Variants in SGCZ observed in about 807,000 individuals in gnomAD.
The protein encoded by SGCZ is sarcoglycan zeta, also known as zeta-sarcoglycan.
Under a neutral mutation model 41.3 loss-of-function variants are expected in SGCZ, and 40 were observed. The ratio of observed to expected loss-of-function variants is 0.97; its 90% CI spans 0.75 to 1.26. The LOEUF (loss-of-function observed/expected upper bound fraction) is 1.26, where lower values mean the gene tolerates loss of function less well. SGCZ is among the 50% of genes most tolerant of loss of function. The pLI, the probability that SGCZ is intolerant of heterozygous loss-of-function variation, is 0.00. For synonymous variants in SGCZ, 206 were observed against 137.5 expected, an observed-to-expected ratio of 1.50 and a Z score of -3.49; for missense variants, 552 against 369.8, an observed-to-expected ratio of 1.49 and a Z score of -4.04.
rs951828822 is a variant in SGCZ, at chr8:14,659,255, A to G, written c.40-104329T>C. On this transcript the variant is annotated intron_variant, in intron 1 of 7. Transcript: ENST00000382080. ...GAAGATTTTGAGTGTCATCACCGCC[A>G]GAGATGATAAATGCTTAAAGTGCTG... Among the ~76,000 whole-genome samples, 3 of 152,138 alleles carry G rather than the reference A, an allele frequency of 2.0e-5. 1 individual carries two copies. Among genetic ancestry groups the G allele is most frequent in the Non-Finnish European group, 4.4e-5 (3 of 68,020 alleles).
At chr8:14,324,431 C>T (rs1377561384) in intron 2 of SGCZ, among the ~76,000 whole-genome samples, 2 of 152,078 alleles carry the variant, frequency 1.3e-5, no homozygotes, top group African/African-American at 4.8e-5. Context: ...GTGTCTTCTT[C>T]GAGCTCTACC....
intron 1 of SGCZ, among the ~76,000 whole-genome samples, chr8:14,737,259 C>G (rs1799066314): frequency 1.3e-5 from 2 of 150,856 alleles, no homozygotes; most frequent in Admixed American, 6.6e-5. Flanking sequence ...TATTGTTGAT[C>G]AATAGGATTA....
chr8:14,597,291 A>T (rs1243651962), intron 1 of SGCZ, among the ~76,000 whole-genome samples: 2 of 152,196 alleles, frequency 1.3e-5, no homozygotes, highest in Non-Finnish European at 2.9e-5. Context: ...GTGAAGTCCT[A>T]TATGGAGGGC....
intron 3 of SGCZ, among the ~76,000 whole-genome samples, chr8:14,286,127 T>C (rs1400150958): frequency 1.3e-5 from 2 of 152,214 alleles, no homozygotes; most frequent in African/African-American, 2.4e-5. Flanking sequence ...TATTAAAGCT[T>C]ATGCACAAGT....
At chr8:15,161,444 A>G (rs185690306) in intron 1 of SGCZ, among the ~76,000 whole-genome samples, 5 of 151,910 alleles carry the variant, frequency 3.3e-5, no homozygotes, top group African/African-American at 9.7e-5. Flanking sequence ...GACATCCTCA[A>G]TTTTTCACCA....
Position 14,643,698 on chromosome 8 carries a change from G to C in SGCZ, c.40-88772C>G, listed in dbSNP as rs1807108313. 2.0e-5 allele frequency among the ~76,000 whole-genome samples: 3 copies of C among 151,822 alleles called. No homozygotes were observed. The South Asian group carries it at 6.2e-4, about 31-fold the overall frequency. ...GATGATAGAAGCATTCCAAGGCACT[G>C]AAAAATCAAAGCTTGGAAATATCTG... On this transcript the variant is annotated intron_variant, in intron 1 of 7. Transcript: ENST00000382080.
intron 1 of SGCZ, among the ~76,000 whole-genome samples, chr8:14,959,443 G>A (rs534685161): frequency 6.6e-6 from 1 of 151,946 alleles, no homozygotes; most frequent in Admixed American, 6.6e-5. Context: ...CAAATTAATG[G>A]GTAAATACAA....
At chr8:14,702,850 TAGATA>T (rs1218251848) in intron 1 of SGCZ, among the ~76,000 whole-genome samples, 3 of 138,984 alleles carry the variant, frequency 2.2e-5, no homozygotes, top group African/African-American at 7.9e-5. Flanking sequence ...GATAGATAGA[TAGATA>T]GATAGATAGA....
At chr8:14,405,557 A>C (rs1021349764) in intron 2 of SGCZ, among the ~76,000 whole-genome samples, 5 of 152,132 alleles carry the variant, frequency 3.3e-5, no homozygotes, top group African/African-American at 1.2e-4. Flanking sequence ...GCCTTATGCC[A>C]AGAATTATGC....
chr8:14,188,647 A>G (rs1804983875), intron 4 of SGCZ, among the ~76,000 whole-genome samples: 1 of 152,162 alleles, frequency 6.6e-6, no homozygotes, highest in South Asian at 2.1e-4. Context: ...TTAATATATT[A>G]AAAACCACTG....
intron 4 of SGCZ, among the ~76,000 whole-genome samples, chr8:14,221,636 G>C (rs1468963649): frequency 6.6e-6 from 1 of 152,110 alleles, no homozygotes; most frequent in Non-Finnish European, 1.5e-5. Flanking sequence ...TCATAGTTTA[G>C]ATTCAAATAA....
intron 2 of SGCZ, among the ~76,000 whole-genome samples, chr8:14,456,525 C>T (rs1168405754): frequency 1.3e-5 from 2 of 152,048 alleles, no homozygotes; most frequent in African/African-American, 4.8e-5. Context: ...CTTAGGAAAA[C>T]ATGCATGTAT....
intron 4 of SGCZ, among the ~76,000 whole-genome samples, chr8:14,226,763 G>A (rs1806386955): frequency 6.6e-6 from 1 of 152,186 alleles, no homozygotes; most frequent in African/African-American, 2.4e-5. Context: ...TGTTTAACTT[G>A]ATAGGAACAG....
chr8:14,774,009 G>A (rs886737959), intron 1 of SGCZ, among the ~76,000 whole-genome samples: 3 of 152,184 alleles, frequency 2.0e-5, no homozygotes, highest in African/African-American at 4.8e-5. Context: ...GTGACAACTT[G>A]GTTGGACCAC....
chr8:14,245,616 G>A (rs899776023), intron 3 of SGCZ, among the ~76,000 whole-genome samples: 1 of 151,996 alleles, frequency 6.6e-6, no homozygotes, highest in Non-Finnish European at 1.5e-5. Flanking sequence ...AAACTAAAGA[G>A]CTTCTGCACA....
chr8:14,923,033 A>G (rs1376202648), intron 1 of SGCZ, among the ~76,000 whole-genome samples: 1 of 152,178 alleles, frequency 6.6e-6, no homozygotes, highest in African/African-American at 2.4e-5. Context: ...TTTTGCACAC[A>G]TATTTGAATT....
chr8:14,912,245 C>G (rs1192896024), intron 1 of SGCZ, among the ~76,000 whole-genome samples: 5 of 151,998 alleles, frequency 3.3e-5, no homozygotes, highest in East Asian at 1.9e-4. Context: ...CCACCTTGCT[C>G]TGGCTTGACT....
intron 1 of SGCZ, among the ~76,000 whole-genome samples, chr8:14,699,941 A>G (rs1253078907): frequency 1.3e-5 from 2 of 152,056 alleles, no homozygotes; most frequent in African/African-American, 4.8e-5. Flanking sequence ...TATTATTAAA[A>G]AGCCAAAACA....
At chr8:15,172,154 GTTTTTTTTTTTTT>G (rs1183210302) in intron 1 of SGCZ, among the ~76,000 whole-genome samples, 1 of 71,774 alleles carries the variant, frequency 1.4e-5, no homozygotes, top group Non-Finnish European at 2.7e-5. Flanking sequence ...TTTATACTCT[GTTTTTTTTTTTTT>G]TTTTTTTTTT....
Sources: allele counts gnomAD v4.1 joint callset (sites outside exome capture counted in the v4.1 genomes callset), GRCh38; gene constraint gnomAD v4.1.1; transcripts MANE v1.5; gene names NCBI Gene and HGNC (gene_info 2026-07-23, HGNC 2026-07-21).